ROBO2: variants seen among roughly 807,000 people sequenced by gnomAD.
The protein encoded by ROBO2 is roundabout homolog 2.
Under a neutral mutation model 160.8 loss-of-function variants are expected in ROBO2, and 53 were observed. That is an observed-to-expected ratio of 0.33 (90% confidence interval 0.26 to 0.41). The LOEUF (loss-of-function observed/expected upper bound fraction) is 0.41, where lower values mean the gene tolerates loss of function less well. Ranked by LOEUF, ROBO2 falls within the 10% of genes least tolerant of loss-of-function variation. The pLI, the probability that ROBO2 is intolerant of heterozygous loss-of-function variation, is 1.00. For synonymous variants in ROBO2, 664 were observed against 611.7 expected, an observed-to-expected ratio of 1.09 and a Z score of -1.26; for missense variants, 1,577 against 1,722.4, an observed-to-expected ratio of 0.92 and a Z score of 1.49.
At chr3:76,866,737 T>A (rs1235890177) in intron 2 of ROBO2, among the ~76,000 whole-genome samples, 3 of 152,198 alleles carry the variant, frequency 2.0e-5, no homozygotes, top group Non-Finnish European at 1.5e-5. Flanking sequence ...TTTATTATTT[T>A]CTTTTTAGCA....
At chr3:76,817,861 C>A (rs938295229) in intron 2 of ROBO2, among the ~76,000 whole-genome samples, 1 of 127,212 alleles carries the variant, frequency 7.9e-6, no homozygotes, top group Non-Finnish European at 1.6e-5. Context: ...AGTAGTATTT[C>A]ATGGTACATA....
chr3:76,021,432 A>C (rs2066571980), intron 2 of ROBO2, among the ~76,000 whole-genome samples: 1 of 151,830 alleles, frequency 6.6e-6, no homozygotes, highest in East Asian at 1.9e-4. Context: ...GTCAGCTACT[A>C]ATCTAGATGC....
At chr3:77,547,771 C>T (rs2092755357) in intron 7 of ROBO2, among the ~76,000 whole-genome samples, 1 of 152,036 alleles carries the variant, frequency 6.6e-6, no homozygotes, top group Non-Finnish European at 1.5e-5. Context: ...ATGGCCACTG[C>T]CTTATCCCAC....
chr3:77,170,228 C>G (rs2079504354), intron 2 of ROBO2, among the ~76,000 whole-genome samples: 1 of 152,012 alleles, frequency 6.6e-6, no homozygotes, highest in African/African-American at 2.4e-5. Context: ...ACCAGTATGG[C>G]CTAGGTAGGT....
At chr3:77,357,712 G>A (rs1031151257) in intron 2 of ROBO2, among the ~76,000 whole-genome samples, 1 of 152,116 alleles carries the variant, frequency 6.6e-6, no homozygotes, top group Admixed American at 6.6e-5. Flanking sequence ...AAACTTCCAT[G>A]TTCTGTAATA....
intron 2 of ROBO2, among the ~76,000 whole-genome samples, chr3:77,198,147 AT>A (rs1424011718): frequency 1.3e-5 from 2 of 152,184 alleles, no homozygotes; most frequent in Non-Finnish European, 2.9e-5. Context: ...AGTTTTTCAA[AT>A]TTTGATAACC....
At chr3:76,375,604 C>T (rs1430698040) in intron 2 of ROBO2, among the ~76,000 whole-genome samples, 3 of 151,642 alleles carry the variant, frequency 2.0e-5, no homozygotes, top group Non-Finnish European at 2.9e-5. Flanking sequence ...AGGTAGCATA[C>T]AAGGAAAGCA....
chr3:77,648,534 G>T (rs927957689), exon 26 of ROBO2: 2 of 152,190 alleles, frequency 1.3e-5, no homozygotes, highest in Non-Finnish European at 2.9e-5. Flanking sequence ...TGTTCTTTCA[G>T]AATAGTCCAT....
intron 2 of ROBO2, among the ~76,000 whole-genome samples, chr3:76,686,526 C>A (rs997042316): frequency 6.7e-6 from 1 of 148,484 alleles, no homozygotes; most frequent in Non-Finnish European, 1.5e-5. Context: ...ATAAATATAC[C>A]AGTTTTTAAA....
At chr3:77,318,405 A>G (rs1240364289) in intron 2 of ROBO2, among the ~76,000 whole-genome samples, 1 of 152,254 alleles carries the variant, frequency 6.6e-6, no homozygotes, top group African/African-American at 2.4e-5. Context: ...AAAAAATAAA[A>G]GAATATAGAT....
At chr3:76,127,957 G>A (rs977052348) in intron 2 of ROBO2, among the ~76,000 whole-genome samples, 6 of 147,496 alleles carry the variant, frequency 4.1e-5, no homozygotes, top group African/African-American at 7.6e-5. Flanking sequence ...GTGCAGTGGC[G>A]TGATCTCTGC....
intron 2 of ROBO2, among the ~76,000 whole-genome samples, chr3:76,949,301 T>G (rs2078813037): frequency 6.6e-6 from 1 of 151,822 alleles, no homozygotes; most frequent in Non-Finnish European, 1.5e-5. Context: ...TAGGAATGAG[T>G]TTTTCCAGAA....
At chr3:77,007,450 C>T (rs767775360) in intron 2 of ROBO2, among the ~76,000 whole-genome samples, 47 of 152,122 alleles carry the variant, frequency 3.1e-4, no homozygotes, top group Admixed American at 9.8e-4. Context: ...GACTGCCACC[C>T]GGGTCTATAT....
chr3:77,266,560 A>G (rs889720691), intron 2 of ROBO2, among the ~76,000 whole-genome samples: 3 of 152,060 alleles, frequency 2.0e-5, no homozygotes, highest in African/African-American at 4.8e-5. Flanking sequence ...CATTGCATCC[A>G]TACTCTGGTC....
In ROBO2 at chr3:76,714,534, G is replaced by T. The variant is rs532549244; in HGVS notation, c.110-383480G>T. Among the ~76,000 whole-genome samples the T allele has an allele frequency of 2.6e-5, 4 of 152,248 alleles. No individual in the cohort carries two copies. In the East Asian group the frequency reaches 7.7e-4, roughly 29 times the overall value. On this transcript the variant is annotated intron_variant, in intron 2 of 26. Coordinates refer to the ROBO2 transcript ENST00000487694. ...AAGGCATCAATCAGAAAATACATTT[G>T]TGGAAAATGTTGTATATCCAGCTAT... is the stretch of plus-strand genomic sequence containing the variant.
chr3:77,646,941 G>C lies in ROBO2; in HGVS notation c.*886G>C, dbSNP rs1487811737. 2.0e-5 allele frequency: 3 copies of C among 152,520 alleles called. No homozygotes were observed. In the East Asian group the frequency reaches 5.8e-4, roughly 29 times the overall value. The allele number at this position is 152,520 out of a possible 1,614,324, so 9.4% of individuals were successfully genotyped here. Reference sequence around the variant, plus strand: ...GAAATTAAGGTGTTTTGCAAGAGCTGTATTTATATTACAGTTTTTTAAAAA... The same window carrying C: ...GAAATTAAGGTGTTTTGCAAGAGCTCTATTTATATTACAGTTTTTTAAAAA... On this transcript the variant is annotated 3_prime_UTR_variant, in exon 26 of 26. Coordinates refer to ENST00000461745, the Ensembl canonical transcript of ROBO2.
chr3:77,511,247 G>A (rs2089353549), intron 5 of ROBO2, among the ~76,000 whole-genome samples: 1 of 152,028 alleles, frequency 6.6e-6, no homozygotes. Context: ...GGGAATGTAA[G>A]ATGGGAGAGA....
chr3:77,091,138 A>G (rs988666564), intron 1 of ROBO2, among the ~76,000 whole-genome samples: 1 of 152,204 alleles, frequency 6.6e-6, no homozygotes. Flanking sequence ...AGTTTGTAAA[A>G]GAAAAATAAA....
chr3:77,411,260 C>T (rs2076777681), intron 2 of ROBO2, among the ~76,000 whole-genome samples: 1 of 152,174 alleles, frequency 6.6e-6, no homozygotes, highest in African/African-American at 2.4e-5. Context: ...TAAAGGTCTT[C>T]TCATACATGC....
Sources: gnomAD v4.1 joint callset for allele counts (sites outside exome capture counted in the v4.1 genomes callset) on GRCh38, gnomAD v4.1.1 for gene constraint, MANE v1.5 for transcripts, NCBI Gene and HGNC (gene_info 2026-07-23, HGNC 2026-07-21) for gene names.